Variants in APBB2 observed in about 807,000 individuals in gnomAD.
APBB2 encodes amyloid beta precursor protein binding family B member 2, also known as Fe65-like 1.
APBB2 carries 38 observed loss-of-function variants against 82.5 expected under a neutral mutation model. The observed-to-expected ratio is 0.46, with a 90% CI of 0.36 to 0.60. The LOEUF (loss-of-function observed/expected upper bound fraction) is 0.60, where lower values mean the gene tolerates loss of function less well. APBB2 is among the 20% of genes least tolerant of loss of function. The pLI, the probability that APBB2 is intolerant of heterozygous loss-of-function variation, is 0.00. For missense variants in APBB2, 772 were observed against 972.3 expected (o/e 0.79, Z 2.74); for synonymous variants, 341 against 368.2 (o/e 0.93, Z 0.85).
intron 10 of APBB2, among the ~76,000 whole-genome samples, chr4:40,907,377 ATATTTTTTT>A (rs1319565968): frequency 3.8e-3 from 107 of 28,248 alleles, no homozygotes; most frequent in African/African-American, 0.015. Context: ...ATATATATAT[ATATTTTTTT>A]TTTTTTTTTT....
chr4:40,965,859 C>T (rs981520031), intron 6 of APBB2, among the ~76,000 whole-genome samples: 4 of 152,110 alleles, frequency 2.6e-5, no homozygotes, highest in African/African-American at 7.2e-5. Context: ...TGGAAGGATA[C>T]AAAACTTGTT....
intron 6 of APBB2, among the ~76,000 whole-genome samples, chr4:40,988,116 C>G (rs577679140): frequency 6.6e-6 from 1 of 152,300 alleles, no homozygotes; most frequent in South Asian, 2.1e-4. Context: ...GTCACCATGA[C>G]TAAGTGACTA....
Position 40,871,372 on chromosome 4 carries a change from T to C in APBB2, c.1529+18992A>G, listed in dbSNP as rs569323798. Among the ~76,000 whole-genome samples the C allele has an allele frequency of 1.0e-3, 156 of 151,438 alleles. 1 individual carries two copies. Among genetic ancestry groups the C allele is most frequent in the African/African-American group, 3.7e-3 (152 of 41,286 alleles). On this transcript the variant is annotated intron_variant, in intron 12 of 17. Transcript: ENST00000508593. ...GTTGGCCAGGCTGGTCTCGAACTCC[T>C]GGCCTCAAGTGATCCGCCCGCCTTG...
At chr4:41,021,524 G>A (rs537058203) in intron 5 of APBB2, among the ~76,000 whole-genome samples, 110 of 152,130 alleles carry the variant, frequency 7.2e-4, no homozygotes, top group Non-Finnish European at 1.2e-3. Flanking sequence ...TCTTGCTAAA[G>A]GATTGTAAAC....
At chr4:40,999,320 T>C (rs1303036239) in intron 6 of APBB2, among the ~76,000 whole-genome samples, 1 of 152,172 alleles carries the variant, frequency 6.6e-6, no homozygotes, top group African/African-American at 2.4e-5. Context: ...GGTATGTACC[T>C]GTGGTCCCAG....
intron 10 of APBB2, among the ~76,000 whole-genome samples, chr4:40,921,701 C>A (rs1470633895): frequency 6.6e-6 from 1 of 152,234 alleles, no homozygotes; most frequent in Non-Finnish European, 1.5e-5. Flanking sequence ...TACAAATACG[C>A]TCTAGGTTGC....
intron 17 of APBB2, among the ~76,000 whole-genome samples, chr4:40,818,255 G>C (rs1746509436): frequency 6.6e-6 from 1 of 152,152 alleles, no homozygotes; most frequent in Non-Finnish European, 1.5e-5. Context: ...CAGGAGAGAA[G>C]AATGGTTTGA....
chr4:40,910,058 T>C (rs1778122904), intron 10 of APBB2, among the ~76,000 whole-genome samples: 1 of 151,996 alleles, frequency 6.6e-6, no homozygotes, highest in Non-Finnish European at 1.5e-5. Context: ...TTTCAAGTGA[T>C]GGTCTCCTGC....
At chr4:41,048,387 T>C (rs893046802) in intron 4 of APBB2, among the ~76,000 whole-genome samples, 3 of 152,232 alleles carry the variant, frequency 2.0e-5, no homozygotes, top group Non-Finnish European at 4.4e-5. Flanking sequence ...ACCCCGTAAC[T>C]GCTAATATAT....
At chr4:40,889,414 G>A (rs771343728) in intron 12 of APBB2, among the ~76,000 whole-genome samples, 3 of 152,178 alleles carry the variant, frequency 2.0e-5, no homozygotes, top group South Asian at 2.1e-4. Context: ...CAATAAAAAA[G>A]CAGAATGTTC....
In APBB2 at chr4:41,013,566, G is replaced by A. The variant is rs374332609; in HGVS notation, c.835+17C>T. On this transcript the variant is annotated intron_variant, in intron 6 of 17. Coordinates refer to ENST00000508593, the MANE Select transcript of APBB2 (RefSeq NM_004307.2). ...AAAAAAAAGTGCCAGCTGAGGCTAC[G>A]CCTTCCCCAGGGGTACCTGTTTCAT... 15 of 1,603,070 alleles carry A rather than the reference G, an allele frequency of 9.4e-6. No individual in the cohort carries two copies. Among genetic ancestry groups the A allele is most frequent in the South Asian group, 3.3e-5 (3 of 90,352 alleles).
At chr4:41,022,566 T>G (rs1269629422) in intron 5 of APBB2, among the ~76,000 whole-genome samples, 1 of 152,214 alleles carries the variant, frequency 6.6e-6, no homozygotes, top group East Asian at 1.9e-4. Context: ...TGGAGTCTAC[T>G]TCTCACAATT....
Position 41,163,203 on chromosome 4 carries a change from C to T in APBB2, c.-416-20061G>A, listed in dbSNP as rs182266854. Among the ~76,000 whole-genome samples the T allele has an allele frequency of 4.0e-3, 602 of 152,296 alleles. 3 individuals carry two copies. The highest frequency in any genetic ancestry group is 0.014 in the African/African-American group (581 of 41,550). On this transcript the variant is annotated intron_variant, in intron 1 of 17. Transcript: ENST00000508593. The stretch of plus-strand genomic sequence containing the variant: ...ATTCCGGCAGATTTTAAAACAGCAG[C>T]AGCACAGGTGGGTAAAAGATCTGGG...
At chr4:41,114,863 G>C (rs943060088) in intron 2 of APBB2, among the ~76,000 whole-genome samples, 1 of 152,170 alleles carries the variant, frequency 6.6e-6, no homozygotes, top group African/African-American at 2.4e-5. Context: ...CTCATGGATA[G>C]GAAGAATCAA....
At chr4:40,867,284 T>C (rs1412985542) in intron 12 of APBB2, among the ~76,000 whole-genome samples, 1 of 152,238 alleles carries the variant, frequency 6.6e-6, no homozygotes, top group African/African-American at 2.4e-5. Flanking sequence ...TTAGTCATTC[T>C]ATTAATATAA....
intron 2 of APBB2, among the ~76,000 whole-genome samples, chr4:41,107,956 GGTGAAATC>G (rs1318228700): frequency 6.6e-6 from 1 of 152,146 alleles, no homozygotes; most frequent in African/African-American, 2.4e-5. Context: ...TAGGGTAACA[GGTGAAATC>G]TGAACATGTA....
Position 40,830,478 on chromosome 4 carries a change from G to A in APBB2, c.1629C>T (p.His543=), listed in dbSNP as rs374988177. Residue 543 remains histidine, a synonymous_variant, in exon 13 of 18, where the codon CAC becomes CAT. Transcript: ENST00000508593. ...CCCACCTTACCTTGGAGCAGATCTC[G>A]TGGAGACTTGTGGCAATGGCTTTTG... The part of the protein sequence containing the change: ...TPAKAIATSL[H]EICSKIMAER... 47 of 1,613,576 alleles carry A rather than the reference G, an allele frequency of 2.9e-5. No homozygotes were observed. The highest frequency in any genetic ancestry group is 3.6e-5 in the Non-Finnish European group (42 of 1,179,608).
rs188072385 is a variant in APBB2 at position 41,000,719 on chromosome 4, A to G, written c.835+12864T>C. ...GAACTCTGTGAGTGGTTTAAGGTTA[A>G]CATATCACATTCCAGATTATTACCA... is the stretch of plus-strand genomic sequence containing the variant. On this transcript the variant is annotated intron_variant, in intron 6 of 17. Coordinates refer to ENST00000508593, the MANE Select transcript of APBB2 (RefSeq NM_004307.2). Among the ~76,000 whole-genome samples, 201 of 152,330 alleles carry G rather than the reference A, an allele frequency of 1.3e-3. 1 individual carries two copies. The highest frequency in any genetic ancestry group is 4.5e-3 in the African/African-American group (189 of 41,586).
At chr4:41,071,755 A>T (rs771161494) in intron 3 of APBB2, among the ~76,000 whole-genome samples, 1 of 152,222 alleles carries the variant, frequency 6.6e-6, no homozygotes, top group Non-Finnish European at 1.5e-5. Context: ...TTTTCAAAAC[A>T]GCTGAAGGAT....
Sources: gnomAD v4.1 joint callset for allele counts (sites outside exome capture counted in the v4.1 genomes callset) on GRCh38, gnomAD v4.1.1 for gene constraint, MANE v1.5 for transcripts, NCBI Gene and HGNC (gene_info 2026-07-23, HGNC 2026-07-21) for gene names.